The following FRMD3 variants were observed in gnomAD, a reference collection of about 807,000 sequenced individuals.
FRMD3 encodes FERM domain-containing protein 3.
In FRMD3, 33 loss-of-function variants were observed where a neutral mutation model predicts 70.2. The ratio of observed to expected loss-of-function variants is 0.47; its 90% CI spans 0.36 to 0.63. The LOEUF (loss-of-function observed/expected upper bound fraction) is 0.63. Among genes scored for constraint, FRMD3 ranks in the 20% least tolerant of loss-of-function variants. The pLI, the probability that FRMD3 is intolerant of heterozygous loss-of-function variation, is 0.00. For synonymous variants in FRMD3, 279 were observed against 255.9 expected (o/e 1.09, Z -0.86); for missense variants, 632 against 711.4 (o/e 0.89, Z 1.27).
In FRMD3 at chr9:83,248,037, A is replaced by G; in HGVS notation, c.1675T>C (p.Leu559=). 6.2e-7 allele frequency: 1 copy of G among 1,614,194 alleles called. No homozygotes were observed. Among genetic ancestry groups the G allele is most frequent in the Non-Finnish European group, 8.5e-7 (1 of 1,180,034 alleles). Residue 559 remains leucine (L), a synonymous_variant, in exon 14 of 14, where the codon TTA becomes CTA. Transcript: ENST00000304195. ...LLESGIDLSF[L]CEIRQTPEFE... ...TCTGGTGTCTGGCGGATTTCGCATA[A>G]GAAGGAGAGATCAATACCTGACTCC...
intron 12 of FRMD3, 76 bp downstream of exon 12, chr9:83,298,672 A>C (rs746589122): frequency 9.1e-7 from 1 of 1,100,274 alleles, no homozygotes; most frequent in African/African-American, 1.5e-5. Flanking sequence ...ATGTCACTAC[A>C]CAAAGGGATG....
rs141739761 is a variant in FRMD3 at position 83,448,976 on chromosome 9, G to T, written c.148-59268C>A. Among the ~76,000 whole-genome samples the T allele has an allele frequency of 7.4e-3, 1,133 of 152,252 alleles. 55 individuals are homozygous for T. Among genetic ancestry groups the T allele is most frequent in the Admixed American group, 0.068 (1,041 of 15,298 alleles). On this transcript the variant is annotated intron_variant, in intron 1 of 13. Coordinates refer to ENST00000304195, the MANE Select transcript of FRMD3 (RefSeq NM_174938.6). ...GTGATGTAGCAAAATGGGCCTTGGG[G>T]GTCTTATCTGTATGAAACATGCTGT...
Position 83,295,906 on chromosome 9 carries a change from C to T in FRMD3, c.1070+2842G>A, listed in dbSNP as rs1044962045. The stretch of plus-strand genomic sequence containing the variant: ...AGCATGAAAACATCAGAGTTAGCTT[C>T]TGCTCCTCTTTTTGAAGAAGAAAAA... On this transcript the variant is annotated intron_variant, in intron 12 of 13. Transcript: ENST00000304195. Among the ~76,000 whole-genome samples, 6 of 152,182 alleles carry T rather than the reference C, an allele frequency of 3.9e-5. No homozygotes were observed. The East Asian group carries it at 1.2e-3, about 29-fold the overall frequency.
intron 4 of FRMD3, among the ~76,000 whole-genome samples, chr9:83,344,417 A>T (rs1417786411): frequency 1.3e-5 from 2 of 151,978 alleles, no homozygotes; most frequent in Non-Finnish European, 2.9e-5. Context: ...CTGGTTCAAC[A>T]TTTTTTCTGG....
rs957206940 is a variant in FRMD3, at chr9:83,402,641, T to C, written c.148-12933A>G. ...ATGAAGATAAGAGAAGGAGATTATA[T>C]ACATGCAGCCTTAATATAACCATGG... On this transcript the variant is annotated intron_variant, in intron 1 of 13. Coordinates refer to ENST00000304195, the MANE Select transcript of FRMD3 (RefSeq NM_174938.6). Among the ~76,000 whole-genome samples the C allele has an allele frequency of 2.6e-5, 4 of 152,232 alleles. No individual in the cohort carries two copies. The South Asian group carries it at 8.3e-4, about 32-fold the overall frequency.
chr9:83,335,520 G>A lies in FRMD3; in HGVS notation c.592C>T (p.Leu198Phe), dbSNP rs1268414432. 1.9e-6 allele frequency: 3 copies of A among 1,611,304 alleles called. No individual in the cohort carries two copies. The highest frequency in any genetic ancestry group is 2.7e-5 in the African/African-American group (2 of 74,870). The change falls in exon 6 of 14, where the codon CTC (leucine) becomes TTC (phenylalanine). Residue 198 changes from leucine (L) to phenylalanine (F), a missense_variant. Physicochemically the swap from Leu to Phe is conservative, Grantham distance 22. Around this residue, in one of 3 missense-constraint regions of FRMD3, gnomAD observed 208 missense variants for 247.7 expected, o/e 0.84. Transcript: ENST00000304195. ...RKIVEIHKNELRGQSPPVAEF... is the reference protein window; with the variant it reads ...RKIVEIHKNEFRGQSPPVAEF... The stretch of plus-strand genomic sequence containing the variant: ...AAATGTCTACTCAGTAATTACCTGA[G>A]TTCATTTTTATGAATTTCCACTATT...
chr9:83,325,403 T>G (rs1835971882), intron 6 of FRMD3, among the ~76,000 whole-genome samples: 1 of 152,202 alleles, frequency 6.6e-6, no homozygotes, highest in South Asian at 2.1e-4. Flanking sequence ...CTCAGTTCAC[T>G]GCAGCCTCGA....
At chr9:83,263,638 T>C (rs1833092664) in intron 13 of FRMD3, among the ~76,000 whole-genome samples, 1 of 152,064 alleles carries the variant, frequency 6.6e-6, no homozygotes, top group Non-Finnish European at 1.5e-5. Context: ...GGCACAAAAC[T>C]CTAGTTCCAG....
At chr9:83,568,747 CTA>C in the FRMD3 span, among the ~76,000 whole-genome samples, 15 of 151,864 alleles carry the variant, frequency 9.9e-5, no homozygotes, top group Admixed American at 9.8e-4. Context: ...AAATAATGTA[CTA>C]TATATTTAAT....
chr9:83,336,018 G>T (rs7029388), intron 5 of FRMD3, among the ~76,000 whole-genome samples: 132,810 of 152,160 alleles, frequency 0.87, 58,122 homozygotes, highest in African/African-American at 0.88. Flanking sequence ...GCTAGCAGCA[G>T]ACCCAGGCAC....
chr9:83,323,294 A>G (rs1276361226), intron 6 of FRMD3, among the ~76,000 whole-genome samples: 1 of 152,246 alleles, frequency 6.6e-6, no homozygotes, highest in Non-Finnish European at 1.5e-5. Flanking sequence ...CAAGAGTAGA[A>G]TGAATAGGCA....
intron 4 of FRMD3, among the ~76,000 whole-genome samples, chr9:83,345,613 C>T (rs1429203441): frequency 3.3e-5 from 5 of 151,810 alleles, no homozygotes; most frequent in Non-Finnish European, 5.9e-5. Flanking sequence ...AAAAATTAGT[C>T]GGGCGTGGTG....
chr9:83,437,863 C>T (rs1445662812), intron 1 of FRMD3, among the ~76,000 whole-genome samples: 2 of 152,178 alleles, frequency 1.3e-5, no homozygotes, highest in Non-Finnish European at 2.9e-5. Context: ...GAAGAACATG[C>T]GCGTCACTGG....
At chr9:83,351,687 T>TA (rs1554691504) in intron 3 of FRMD3, among the ~76,000 whole-genome samples, 9 of 145,704 alleles carry the variant, frequency 6.2e-5, no homozygotes, top group East Asian at 2.1e-4. Context: ...GATAGTTACA[T>TA]GATAGATAGA....
intron 2 of FRMD3, among the ~76,000 whole-genome samples, chr9:83,373,399 A>G (rs954757437): frequency 1.3e-5 from 2 of 152,212 alleles, no homozygotes; most frequent in African/African-American, 4.8e-5. Context: ...CCTTAAGAGG[A>G]ATATTGGGCC....
chr9:83,458,855 T>C (rs1209869631), intron 1 of FRMD3, among the ~76,000 whole-genome samples: 3 of 152,098 alleles, frequency 2.0e-5, no homozygotes, highest in African/African-American at 7.2e-5. Flanking sequence ...GAAAAAAAAT[T>C]AAAGAAACAA....
At chr9:83,577,047 G>C in the FRMD3 span, among the ~76,000 whole-genome samples, 2 of 151,934 alleles carry the variant, frequency 1.3e-5, no homozygotes, top group Non-Finnish European at 2.9e-5. Context: ...ATTCTTAAAA[G>C]TAAAAAACAT....
intron 6 of FRMD3, among the ~76,000 whole-genome samples, chr9:83,333,266 G>A (rs1384459830): frequency 1.3e-5 from 2 of 152,152 alleles, no homozygotes; most frequent in Non-Finnish European, 2.9e-5. Context: ...CATCCTTCAG[G>A]CATACAACTC....
chr9:83,524,621 TA>T (rs1479719369), intron 1 of FRMD3, among the ~76,000 whole-genome samples: 1 of 152,196 alleles, frequency 6.6e-6, no homozygotes, highest in Non-Finnish European at 1.5e-5. Flanking sequence ...ATAATGGTGG[TA>T]TTTAGTGTAA....
Sources: gnomAD v4.1 joint callset for allele counts (sites outside exome capture counted in the v4.1 genomes callset) on GRCh38, gnomAD v4.1.1 for gene constraint, gnomAD v4.1.1 regional missense constraint, MANE v1.5 for transcripts, NCBI Gene and HGNC (gene_info 2026-07-23, HGNC 2026-07-21) for gene names.